The following DIP2B variants were observed in gnomAD, a reference collection of about 807,000 sequenced individuals.
DIP2B encodes the protein disco-interacting protein 2 homolog B.
Under a neutral mutation model 198.0 loss-of-function variants are expected in DIP2B, and 76 were observed. The ratio of observed to expected loss-of-function variants is 0.38; its 90% CI spans 0.32 to 0.46. DIP2B has a LOEUF of 0.46. Ranked by LOEUF, DIP2B falls within the 20% of genes least tolerant of loss-of-function variation. The probability of loss-of-function intolerance (pLI) is 0.99; values close to 1 mark genes in which losing one functional copy is unlikely to be tolerated. For synonymous variants in DIP2B, 701 were observed against 739.1 expected, an observed-to-expected ratio of 0.95 and a Z score of 0.84; for missense variants, 1,559 against 1,978.4, an observed-to-expected ratio of 0.79 and a Z score of 4.02.
In DIP2B at chr12:50,552,866, T is replaced by C. The variant is rs376235769; in HGVS notation, c.100+47626T>C. 3.4e-4 allele frequency among the ~76,000 whole-genome samples: 52 copies of C among 152,226 alleles called. 1 individual carries two copies. In the South Asian group the frequency reaches 0.011, roughly 31 times the overall value. On this transcript the variant is annotated intron_variant, in intron 1 of 37. Transcript: ENST00000301180. Reference sequence around the variant, plus strand: ...ATCTATTTTGAGTTATTTTATTTATTTATTTATTTTTTCCCAGAGTCTTCA... The same window carrying C: ...ATCTATTTTGAGTTATTTTATTTATCTATTTATTTTTTCCCAGAGTCTTCA...
chr12:50,664,048 T>TG (rs1269859314), intron 4 of DIP2B, among the ~76,000 whole-genome samples: 1 of 152,148 alleles, frequency 6.6e-6, no homozygotes, highest in Non-Finnish European at 1.5e-5. Flanking sequence ...ACTCTGCACT[T>TG]GCTGTCTTGT....
chr12:50,521,843 G>T (rs1000882390), intron 1 of DIP2B, among the ~76,000 whole-genome samples: 8 of 151,648 alleles, frequency 5.3e-5, no homozygotes, highest in Admixed American at 2.0e-4. Context: ...ATAGGGTTTT[G>T]CTATGTTGCC....
intron 30 of DIP2B, among the ~76,000 whole-genome samples, chr12:50,729,876 C>T (rs1221127391): frequency 2.0e-5 from 3 of 151,628 alleles, no homozygotes; most frequent in Admixed American, 6.6e-5. Flanking sequence ...ACTACAGGTG[C>T]ACACCACCAC....
chr12:50,604,768 C>T (rs372380544), intron 1 of DIP2B, among the ~76,000 whole-genome samples: 5 of 152,170 alleles, frequency 3.3e-5, no homozygotes, highest in South Asian at 4.1e-4. Context: ...ACAGATGAAG[C>T]GATATGCCTG....
chr12:50,659,674 T>G (rs143985324), intron 3 of DIP2B, among the ~76,000 whole-genome samples: 2 of 152,304 alleles, frequency 1.3e-5, no homozygotes, highest in African/African-American at 2.4e-5. Context: ...ACATCTGCCC[T>G]TATGTTTTTC....
intron 19 of DIP2B, among the ~76,000 whole-genome samples, 196 bp from the exon 20 acceptor site, chr12:50,703,944 T>C (rs772904163): frequency 6.6e-6 from 1 of 150,606 alleles, no homozygotes; most frequent in Non-Finnish European, 1.5e-5. Flanking sequence ...TATATATTTA[T>C]ATATGTATCT....
chr12:50,650,068 G>T (rs1938427205), intron 3 of DIP2B, among the ~76,000 whole-genome samples: 1 of 152,082 alleles, frequency 6.6e-6, no homozygotes, highest in African/African-American at 2.4e-5. Context: ...AAATGAGCCA[G>T]GGGTGGTGGT....
intron 1 of DIP2B, among the ~76,000 whole-genome samples, chr12:50,603,226 A>G (rs1031207573): frequency 4.6e-5 from 7 of 152,034 alleles, no homozygotes; most frequent in African/African-American, 1.7e-4. Flanking sequence ...TCTCAAGCAA[A>G]TGAGTGGTGA....
At chr12:50,508,906 G>A (rs1350773121) in intron 1 of DIP2B, among the ~76,000 whole-genome samples, 1 of 152,026 alleles carries the variant, frequency 6.6e-6, no homozygotes, top group Non-Finnish European at 1.5e-5. Flanking sequence ...CTCCATGTTG[G>A]TCAGGTGGGT....
At chr12:50,618,902 G>T (rs1418433618) in intron 1 of DIP2B, among the ~76,000 whole-genome samples, 1 of 152,142 alleles carries the variant, frequency 6.6e-6, no homozygotes, top group East Asian at 1.9e-4. Context: ...TGTAGCACTT[G>T]TACTTTTATT....
At chr12:50,636,434 T>C (rs1299481418) in intron 2 of DIP2B, among the ~76,000 whole-genome samples, 3 of 152,340 alleles carry the variant, frequency 2.0e-5, no homozygotes, top group African/African-American at 7.2e-5. Flanking sequence ...GAGCACACAT[T>C]GCAATTATAT....
At position 50,620,494 on chromosome 12, in the gene DIP2B, C is replaced by T. The variant is rs569609423; in HGVS notation, c.101-5482C>T. Among the ~76,000 whole-genome samples, 8 of 152,284 alleles carry T rather than the reference C, an allele frequency of 5.3e-5. No homozygotes were observed. The South Asian group carries it at 8.3e-4, about 16-fold the overall frequency. On this transcript the variant is annotated intron_variant, in intron 1 of 37. Transcript: ENST00000301180. ...CAGCGTGTGGGTCGCAGACTCGCCA[C>T]GACCATTCTCTTGTTGGTTTAGGTC...
chr12:50,730,372 C>T, intron 30 of DIP2B, among the ~76,000 whole-genome samples: 1 of 108,840 alleles, frequency 9.2e-6, no homozygotes, highest in Non-Finnish European at 2.3e-5. Flanking sequence ...TTCTTTCTTT[C>T]TCTCTCTCTC....
chr12:50,650,855 C>G (rs1008413916), intron 3 of DIP2B, among the ~76,000 whole-genome samples: 1 of 152,148 alleles, frequency 6.6e-6, no homozygotes, highest in Non-Finnish European at 1.5e-5. Flanking sequence ...TATGGTAAAT[C>G]TATTTTTTTA....
intron 1 of DIP2B, among the ~76,000 whole-genome samples, chr12:50,509,252 C>T (rs1036312300): frequency 2.6e-5 from 4 of 152,114 alleles, no homozygotes; most frequent in Admixed American, 1.3e-4. Flanking sequence ...TCTGCTTTAT[C>T]GTTGTGAGAG....
intron 1 of DIP2B, among the ~76,000 whole-genome samples, chr12:50,561,565 A>G (rs1309894460): frequency 1.3e-5 from 2 of 152,174 alleles, no homozygotes; most frequent in African/African-American, 4.8e-5. Flanking sequence ...TATGGAAACG[A>G]TACTCCCGAA....
At chr12:50,638,176 CTG>C (rs1938192711) in intron 2 of DIP2B, among the ~76,000 whole-genome samples, 1 of 152,144 alleles carries the variant, frequency 6.6e-6, no homozygotes, top group Non-Finnish European at 1.5e-5. Context: ...CTTCGGATCT[CTG>C]TTTTATTTTG....
At chr12:50,545,780 C>T (rs573723425) in intron 1 of DIP2B, among the ~76,000 whole-genome samples, 2 of 151,280 alleles carry the variant, frequency 1.3e-5, no homozygotes, top group African/African-American at 2.4e-5. Flanking sequence ...AGATTACAGG[C>T]GTGTGCCACC....
intron 22 of DIP2B, among the ~76,000 whole-genome samples, 196 bp from the exon 23 acceptor site, chr12:50,714,199 A>C (rs1939669826): frequency 6.6e-6 from 1 of 152,244 alleles, no homozygotes; most frequent in Admixed American, 6.5e-5. Flanking sequence ...AATCTCTGCC[A>C]CAGCTGAAAG....
Sources: allele counts gnomAD v4.1 joint callset (sites outside exome capture counted in the v4.1 genomes callset), GRCh38; gene constraint gnomAD v4.1.1; transcripts MANE v1.5; gene names NCBI Gene and HGNC (gene_info 2026-07-23, HGNC 2026-07-21).